SLC6A5: variants seen among roughly 807,000 people sequenced by gnomAD.
SLC6A5 encodes the protein sodium- and chloride-dependent glycine transporter 2.
A neutral mutation model predicts 90.5 loss-of-function variants in SLC6A5; 58 were observed. That is an observed-to-expected ratio of 0.64 (90% CI 0.52 to 0.80). SLC6A5 has a LOEUF of 0.80. SLC6A5 is among the 30% of genes least tolerant of loss of function. The probability of loss-of-function intolerance (pLI) is 0.00; values close to 1 mark genes in which losing one functional copy is unlikely to be tolerated. For missense variants in SLC6A5, 1,015 were observed against 1,017.6 expected (o/e 1.00, Z 0.03); for synonymous variants, 427 against 401.4 (o/e 1.06, Z -0.76).
At chr11:20,603,511 G>T (rs971491302) in intron 2 of SLC6A5, among the ~76,000 whole-genome samples, 1 of 152,224 alleles carries the variant, frequency 6.6e-6, no homozygotes, top group Non-Finnish European at 1.5e-5. Flanking sequence ...CAAGTGGCTT[G>T]CCTGGGGTTA....
intron 6 of SLC6A5, among the ~76,000 whole-genome samples, chr11:20,616,749 G>A (rs919776069): frequency 6.6e-6 from 1 of 152,168 alleles, no homozygotes; most frequent in Non-Finnish European, 1.5e-5. Context: ...CACAGGGTTG[G>A]CCATCACTGT....
intron 15 of SLC6A5, 126 bp from the exon 16 acceptor site, chr11:20,654,587 G>A (rs1346611145): frequency 2.4e-6 from 2 of 846,764 alleles, no homozygotes; most frequent in East Asian, 2.4e-5. Context: ...CTTGGTAGAG[G>A]GCCTCTTGGC....
rs1853624852 is a variant in SLC6A5, at chr11:20,655,403, C to CACTG, written c.*537_*540dup. The CACTG allele has an allele frequency of 5.8e-6, 1 of 173,218 alleles. No individual in the cohort carries two copies. Among genetic ancestry groups the CACTG allele is most frequent in the South Asian group, 1.4e-4 (1 of 7,314 alleles). 10.7% of individuals were successfully genotyped at this position (173,218 alleles called of 1,614,324 possible). The stretch of plus-strand genomic sequence containing the variant: ...AGACAAGACCATTCAATTTGGACAC[C>CACTG]ACTGAGGTGGTTAAGTTTATATTTC... On this transcript the variant is annotated 3_prime_UTR_variant, in exon 16 of 16. Coordinates refer to ENST00000525748, the MANE Select transcript of SLC6A5 (RefSeq NM_004211.5).
At position 20,656,313 on chromosome 11, in the gene SLC6A5, A is replaced by G. The variant is rs1338060057; in HGVS notation, c.*1445A>G. The G allele has an allele frequency of 6.6e-6, 1 of 151,972 alleles. No homozygotes were observed. The highest frequency in any genetic ancestry group is 2.4e-5 in the African/African-American group (1 of 41,364). The allele number at this position is 151,972 out of a possible 1,614,324, so 9.4% of individuals were successfully genotyped here. On this transcript the variant is annotated 3_prime_UTR_variant, in exon 16 of 16. Transcript: ENST00000525748. The stretch of plus-strand genomic sequence containing the variant: ...GAGTTTAGTATAGTGTAGTCTGGGG[A>G]TTTTATTTTCCCTTACAGTAATAAT...
intron 6 of SLC6A5, among the ~76,000 whole-genome samples, chr11:20,615,149 G>A (rs1852761305): frequency 6.6e-6 from 1 of 152,202 alleles, no homozygotes; most frequent in African/African-American, 2.4e-5. Context: ...CTTGGCTTCA[G>A]GGAAGAGAGA....
At chr11:20,645,644 T>C (rs1317649719) in intron 13 of SLC6A5, among the ~76,000 whole-genome samples, 2 of 149,478 alleles carry the variant, frequency 1.3e-5, no homozygotes, top group East Asian at 2.0e-4. Context: ...TGTTTTTTTT[T>C]TTTTTTTTTT....
Position 20,652,284 on chromosome 11 carries a change from T to C in SLC6A5, c.2071-5T>C. The C allele has an allele frequency of 6.2e-7, 1 of 1,614,146 alleles. No homozygotes were observed. Among genetic ancestry groups the C allele is most frequent in the South Asian group, 1.1e-5 (1 of 91,088 alleles). On this transcript the variant is annotated splice_region_variant and splice_polypyrimidine_tract_variant and intron_variant, in intron 14 of 15. Coordinates refer to ENST00000525748, the MANE Select transcript of SLC6A5 (RefSeq NM_004211.5). ...CTAACACGTGTGTCACTTTTCTCTT[T>C]CCAGTTTATCCTTTGCTTCAGCTTT...
chr11:20,647,086 A>G, intron 14 of SLC6A5, 152 bp downstream of exon 14: 1 of 689,122 alleles, frequency 1.5e-6, no homozygotes, highest in Non-Finnish European at 2.6e-6. Context: ...CAAATGAGAA[A>G]ACTGAAGTTC....
In SLC6A5 at chr11:20,607,099, G is replaced by C. The variant is rs1380441784; in HGVS notation, c.772G>C (p.Gly258Arg). 1 of 1,613,948 alleles carries C rather than the reference G, an allele frequency of 6.2e-7. No individual in the cohort carries two copies. The part of the protein sequence containing the change: ...EVSLGQFASQ[G>R]PVSVWKAIPA... ...GTCGCTGGGCCAGTTTGCCAGCCAG[G>C]GACCAGTGTCTGTGTGGAAGGCCAT... The change falls in exon 4 of 16, where the codon GGA becomes CGA. Residue 258 changes from glycine to arginine, a missense_variant. By Grantham distance (125) the Gly-to-Arg change is moderately radical. Transcript: ENST00000525748.
chr11:20,658,385 G>C lies in SLC6A5; in HGVS notation c.*3517G>C, dbSNP rs1303740409. On this transcript the variant is annotated 3_prime_UTR_variant, in exon 16 of 16. Transcript: ENST00000525748. ...GATTTGAGTTGGGACATGCTTCTTTGAGGCAGATGATTCAAGAGAGGACGT... is the reference window on the plus strand; with the variant it reads ...GATTTGAGTTGGGACATGCTTCTTTCAGGCAGATGATTCAAGAGAGGACGT... The C allele has an allele frequency of 6.6e-6, 1 of 152,164 alleles. No homozygotes were observed. The highest frequency in any genetic ancestry group is 2.4e-5 in the African/African-American group (1 of 41,422). The allele number at this position is 152,164 out of a possible 1,614,324, so 9.4% of individuals were successfully genotyped here.
intron 13 of SLC6A5, among the ~76,000 whole-genome samples, chr11:20,644,819 T>C (rs911956016): frequency 2.0e-5 from 3 of 149,086 alleles, no homozygotes; most frequent in African/African-American, 7.5e-5. Flanking sequence ...TTCTTTTTCT[T>C]TTTTTTTTTG....
intron 14 of SLC6A5, among the ~76,000 whole-genome samples, chr11:20,648,411 C>T (rs1853463573): frequency 6.6e-6 from 1 of 152,068 alleles, no homozygotes; most frequent in Non-Finnish European, 1.5e-5. Context: ...CATTGATCTC[C>T]CTCTGCGTTG....
chr11:20,616,196 C>T (rs1852780406), intron 6 of SLC6A5, among the ~76,000 whole-genome samples: 1 of 152,114 alleles, frequency 6.6e-6, no homozygotes, highest in Non-Finnish European at 1.5e-5. Context: ...TAGTTGTTCC[C>T]TGCAGAACAG....
In SLC6A5 at chr11:20,652,320, A is replaced by G. The variant is rs1233822502; in HGVS notation, c.2102A>G (p.Glu701Gly). 2 of 1,614,110 alleles carry G rather than the reference A, an allele frequency of 1.2e-6. No individual in the cohort carries two copies. Among genetic ancestry groups the G allele is most frequent in the South Asian group, 2.2e-5 (2 of 91,082 alleles). Residue 701 changes from glutamate to glycine, a missense_variant, in exon 15 of 16, where the codon GAG (glutamate) becomes GGG (glycine). Physicochemically the swap from Glu to Gly is moderately conservative, Grantham distance 98. Coordinates refer to ENST00000525748, the MANE Select transcript of SLC6A5 (RefSeq NM_004211.5). Reference sequence around the variant, plus strand: ...CTTTGCTTCAGCTTTTACCAGTGGGAGCCCATGACCTATGGCTCTTACCGC... The same window carrying G: ...CTTTGCTTCAGCTTTTACCAGTGGGGGCCCATGACCTATGGCTCTTACCGC... ...FILCFSFYQWEPMTYGSYRYP... is the reference protein window; with the variant it reads ...FILCFSFYQWGPMTYGSYRYP...
chr11:20,616,271 G>A (rs893704829), intron 6 of SLC6A5, among the ~76,000 whole-genome samples: 3 of 152,180 alleles, frequency 2.0e-5, no homozygotes, highest in African/African-American at 7.2e-5. Context: ...GGGTATTAGG[G>A]TGGGTCTTTA....
chr11:20,601,259 C>G lies in SLC6A5; in HGVS notation c.134C>G (p.Ala45Gly), dbSNP rs755131121. Residue 45 changes from alanine (A) to glycine (G), a missense_variant, in exon 2 of 16, where the codon GCC becomes GGC. By Grantham distance (60) the Ala-to-Gly change is moderately conservative. This residue lies in a region of SLC6A5 where 567 missense variants were observed against 507.3 expected (regional missense o/e 1.12). Transcript: ENST00000525748. ...GAGCAGGAGCTTCCCGCGGCTGCCG[C>G]CCCGCCGCCGCCACGTGTGCCCAGG... ...SPEQELPAAA[A>G]PPPPRVPRSA... 2.1e-4 allele frequency: 326 copies of G among 1,583,846 alleles called. 1 individual carries two copies. Among genetic ancestry groups the G allele is most frequent in the Admixed American group, 1.2e-3 (70 of 57,838 alleles).
In SLC6A5 at chr11:20,606,807, C is replaced by T. The variant is rs76463198; in HGVS notation, c.680-200C>T. Among the ~76,000 whole-genome samples the T allele has an allele frequency of 7.2e-3, 1,090 of 152,290 alleles. 14 individuals carry two copies. The highest frequency in any genetic ancestry group is 0.025 in the African/African-American group (1,041 of 41,564). On this transcript the variant is annotated intron_variant, in intron 3 of 15. Transcript: ENST00000525748. ...TAAGGAGTGTATTTGCATGGGTACC[C>T]TTATACTTTTTGGAGGAAGGCTCTT...
chr11:20,629,369 C>T (rs1017356602), intron 9 of SLC6A5, among the ~76,000 whole-genome samples: 1 of 152,164 alleles, frequency 6.6e-6, no homozygotes, highest in African/African-American at 2.4e-5. Flanking sequence ...CCGACCAAGG[C>T]CCCATCTCCT....
intron 2 of SLC6A5, 24 bp downstream of exon 2, chr11:20,601,689 G>T (rs763973437): frequency 3.4e-5 from 54 of 1,606,632 alleles, no homozygotes; most frequent in Non-Finnish European, 4.1e-5. Flanking sequence ...ATTACGGCCC[G>T]CACAGTGTCC....
Sources: allele counts gnomAD v4.1 joint callset (sites outside exome capture counted in the v4.1 genomes callset), GRCh38; gene constraint gnomAD v4.1.1; regional missense constraint gnomAD v4.1.1; transcripts MANE v1.5; gene names NCBI Gene and HGNC (gene_info 2026-07-23, HGNC 2026-07-21).